Variants in DMAC2 observed in about 807,000 individuals in gnomAD.
The protein encoded by DMAC2 is distal membrane arm assembly component 2, also known as distal membrane-arm assembly complex protein 2.
Under a neutral mutation model 29.6 loss-of-function variants are expected in DMAC2, and 32 were observed. The observed-to-expected ratio is 1.08, with a 90% CI of 0.81 to 1.45. The LOEUF (loss-of-function observed/expected upper bound fraction) is 1.45. Ranked by LOEUF, DMAC2 falls within the 40% of genes most tolerant of loss-of-function variation. The probability of loss-of-function intolerance (pLI) is 0.00; values close to 1 mark genes in which losing one functional copy is unlikely to be tolerated. For synonymous variants in DMAC2, 133 were observed against 137.4 expected, an observed-to-expected ratio of 0.97 and a Z score of 0.23; for missense variants, 319 against 340.0, an observed-to-expected ratio of 0.94 and a Z score of 0.49.
rs782136347 is a variant in DMAC2 at position 41,438,307 on chromosome 19, G to A, written c.126C>T (p.Leu42=). Residue 42 remains leucine, a synonymous_variant, in exon 2 of 6, where the codon CTC becomes CTT. Coordinates refer to ENST00000221943, the MANE Select transcript of DMAC2 (RefSeq NM_018035.3). The part of the protein sequence containing the change: ...EGNQKKKRTI[L]QFLTNYFYDV... ...CGTAGAAATAGTTGGTCAGGAACTG[G>A]AGTATTGTCCTTTTCTTCTTCTGAT... is the stretch of plus-strand genomic sequence containing the variant. 3 of 1,614,228 alleles carry A rather than the reference G, an allele frequency of 1.9e-6. No individual in the cohort carries two copies. Among genetic ancestry groups the A allele is most frequent in the Admixed American group, 1.7e-5 (1 of 60,032 alleles).
intron 5 of DMAC2, chr19:41,432,999 A>G (rs2039654073): frequency 3.7e-6 from 2 of 534,830 alleles, no homozygotes; most frequent in African/African-American, 3.9e-5. Flanking sequence ...CCACTGTGTT[A>G]ATTGCAAATA....
Position 41,431,892 on chromosome 19 carries a change from C to T in DMAC2, c.*339G>A. 6.1e-6 allele frequency: 2 copies of T among 329,230 alleles called. No individual in the cohort carries two copies. The highest frequency in any genetic ancestry group is 5.7e-6 in the Non-Finnish European group (1 of 175,068). 20.4% of individuals were successfully genotyped at this position (329,230 alleles called of 1,614,324 possible). A position where few individuals can be genotyped will look rare whatever the true frequency, so the allele number is the denominator to read the frequency against. Reference sequence around the variant, plus strand: ...GCCCCTGTGTCAGTCAGGGTCCCTGCAAGAAATGGCAGTGCACTCACATAA... The same window carrying T: ...GCCCCTGTGTCAGTCAGGGTCCCTGTAAGAAATGGCAGTGCACTCACATAA... On this transcript the variant is annotated 3_prime_UTR_variant, in exon 6 of 6. Coordinates refer to ENST00000221943, the MANE Select transcript of DMAC2 (RefSeq NM_018035.3).
chr19:41,432,371 C>T lies in DMAC2; in HGVS notation c.634G>A (p.Val212Met), dbSNP rs374325202. 12 of 1,613,874 alleles carry T rather than the reference C, an allele frequency of 7.4e-6. No individual in the cohort carries two copies. The highest frequency in any genetic ancestry group is 2.7e-5 in the African/African-American group (2 of 74,888). The change falls in exon 6 of 6, where the codon GTG (valine) becomes ATG (methionine). Residue 212 changes from valine (V) to methionine (M), a missense_variant. Coordinates refer to ENST00000221943, the MANE Select transcript of DMAC2 (RefSeq NM_018035.3). ...ATCTGAGTGAGGCCAGGGTTGGACA[C>T]GGCAGGGAGGTCCGAGATGTCCAGC... ...RRLDISDLPA[V>M]SNPGLTQILV... is the part of the protein sequence containing the mutation.
chr19:41,433,195 C>T, intron 5 of DMAC2, 77 bp downstream of exon 5: 1 of 1,461,964 alleles, frequency 6.8e-7, no homozygotes, highest in South Asian at 1.3e-5. Context: ...CATTGCCCCT[C>T]CCCACTTCCT....
rs72065187 is a variant in DMAC2 at position 41,432,706 on chromosome 19, C to CGTGTGTGT, written c.597-306_597-299dup. On this transcript the variant is annotated intron_variant, in intron 5 of 5. Transcript: ENST00000221943. ...GGGAGATAAGCCAGTATAAGGACAG[C>CGTGTGTGT]GTGTGTGTGTGTGTGTGTGTGTGTA... 2.1e-3 allele frequency: 429 copies of CGTGTGTGT among 209,050 alleles called. 9 individuals carry two copies. Among genetic ancestry groups the CGTGTGTGT allele is most frequent in the African/African-American group, 0.02 (398 of 19,998 alleles). 12.9% of individuals were successfully genotyped at this position (209,050 alleles called of 1,614,324 possible). A position where few individuals can be genotyped will look rare whatever the true frequency, so the allele number is the denominator to read the frequency against.
At chr19:41,434,773 G>A (rs2039768766) in intron 3 of DMAC2, among the ~76,000 whole-genome samples, 2 of 152,190 alleles carry the variant, frequency 1.3e-5, no homozygotes, top group South Asian at 2.1e-4. Flanking sequence ...GGGAGGCCGA[G>A]GTGGGTGGAT....
rs374254190 is a variant in DMAC2, at chr19:41,432,783, C to CGTGTGTGTGTGT, written c.597-387_597-376dup. 218 of 303,386 alleles carry CGTGTGTGTGTGT rather than the reference C, an allele frequency of 7.2e-4. 3 individuals carry two copies. The highest frequency in any genetic ancestry group is 7.0e-3 in the African/African-American group (204 of 29,286). The allele number at this position is 303,386 out of a possible 1,614,324, so 18.8% of individuals were successfully genotyped here. ...GTGTAGGGAGGTACAGGACAGCGTG[C>CGTGTGTGTGTGT]GTGTGTGTGTGTGTGTGTGTGTGTG... On this transcript the variant is annotated intron_variant, in intron 5 of 5. Coordinates refer to ENST00000221943, the MANE Select transcript of DMAC2 (RefSeq NM_018035.3).
intron 5 of DMAC2, chr19:41,432,869 C>T (rs572599124): frequency 1.3e-4 from 53 of 396,228 alleles, no homozygotes; most frequent in African/African-American, 7.4e-4. Context: ...TGTGTGCGTG[C>T]GTGTGTGTGT....
At chr19:41,432,741 A>C in intron 5 of DMAC2, 1 of 352,542 alleles carries the variant, frequency 2.8e-6, no homozygotes, top group Non-Finnish European at 4.9e-6. Flanking sequence ...AGGGAGGTAC[A>C]GACAGCGTGT....
In DMAC2 at chr19:41,433,033, T is replaced by C. The variant is rs1030020294; in HGVS notation, c.596+239A>G. ...TATGCAACTCCAGCTCCTGCTGTTC[T>C]GCAACAGCGTCGATATCACACAGTT... On this transcript the variant is annotated intron_variant, in intron 5 of 5. Coordinates refer to ENST00000221943, the MANE Select transcript of DMAC2 (RefSeq NM_018035.3). 5 of 545,624 alleles carry C rather than the reference T, an allele frequency of 9.2e-6. No individual in the cohort carries two copies. The African/African-American group carries it at 9.6e-5, about 10-fold the overall frequency. 33.8% of individuals were successfully genotyped at this position (545,624 alleles called of 1,614,324 possible).
At position 41,432,028 on chromosome 19, in the gene DMAC2, G is replaced by A; in HGVS notation, c.*203C>T. 1.6e-6 allele frequency: 1 copy of A among 621,202 alleles called. No individual in the cohort carries two copies. Among genetic ancestry groups the A allele is most frequent in the East Asian group, 2.8e-5 (1 of 35,974 alleles). The allele number at this position is 621,202 out of a possible 1,614,324, so 38.5% of individuals were successfully genotyped here. A position where few individuals can be genotyped will look rare whatever the true frequency, so the allele number is the denominator to read the frequency against. On this transcript the variant is annotated 3_prime_UTR_variant, in exon 6 of 6. Coordinates refer to ENST00000221943, the MANE Select transcript of DMAC2 (RefSeq NM_018035.3). ...AACAGGGGCATGGAAAGGGCTGCCT[G>A]ACAGGGTGACAGGAGCTGTGACCTT...
intron 3 of DMAC2, 99 bp from the exon 4 acceptor site, chr19:41,433,772 C>G: frequency 6.8e-7 from 1 of 1,464,202 alleles, no homozygotes; most frequent in Non-Finnish European, 9.3e-7. Context: ...ATGTATAGGT[C>G]ACCCTTGACA....
At chr19:41,439,618 G>A in intron 1 of DMAC2, 3 of 1,475,698 alleles carry the variant, frequency 2.0e-6, no homozygotes, top group African/African-American at 1.4e-5. Context: ...GTCGCTCTTC[G>A]GCAGCCACTC....
chr19:41,438,477 C>T (rs1012612619), intron 1 of DMAC2, 63 bp from the exon 2 acceptor site: 3 of 1,392,832 alleles, frequency 2.2e-6, no homozygotes, highest in African/African-American at 1.4e-5. Flanking sequence ...GAGCTGGATC[C>T]CCCAGTTCTT....
In DMAC2 at chr19:41,433,553, C is replaced by G. The variant is rs782095277; in HGVS notation, c.417G>C (p.Glu139Asp). The stretch of plus-strand genomic sequence containing the variant: ...CGCACTCACGGAGGTTATCCAGGCC[C>G]TCGTAGTTGATGTCACAGTCACCGG... The part of the protein sequence containing the change: ...VDAGDCDINY[E>D]GLDNLLRLKE... Residue 139 changes from glutamate to aspartate, a missense_variant, in exon 4 of 6, where the codon GAG becomes GAC. Physicochemically the swap from Glu to Asp is conservative, Grantham distance 45. Coordinates refer to ENST00000221943, the MANE Select transcript of DMAC2 (RefSeq NM_018035.3). The G allele has an allele frequency of 1.2e-6, 2 of 1,614,180 alleles. No homozygotes were observed. The highest frequency in any genetic ancestry group is 1.7e-5 in the Admixed American group (1 of 60,016).
At chr19:41,437,281 A>C (rs1248889968) in intron 2 of DMAC2, among the ~76,000 whole-genome samples, 1 of 152,018 alleles carries the variant, frequency 6.6e-6, no homozygotes, top group African/African-American at 2.4e-5. Flanking sequence ...CTGTAATCTC[A>C]CCTACTTGGG....
chr19:41,432,185 C>T lies in DMAC2; in HGVS notation c.*46G>A, dbSNP rs2122182817. Reference sequence around the variant, plus strand: ...AAGTGTGGTGAGCTACCAGACATTCCATGCAGCCCGCTGAGAAGCCACGTG... The same window carrying T: ...AAGTGTGGTGAGCTACCAGACATTCTATGCAGCCCGCTGAGAAGCCACGTG... On this transcript the variant is annotated 3_prime_UTR_variant, in exon 6 of 6. Coordinates refer to ENST00000221943, the MANE Select transcript of DMAC2 (RefSeq NM_018035.3). 1 of 1,582,708 alleles carries T rather than the reference C, an allele frequency of 6.3e-7. No homozygotes were observed. The highest frequency in any genetic ancestry group is 2.2e-5 in the East Asian group (1 of 44,536).
intron 2 of DMAC2, among the ~76,000 whole-genome samples, chr19:41,437,782 G>A (rs1372023897): frequency 6.6e-6 from 1 of 152,170 alleles, no homozygotes; most frequent in Non-Finnish European, 1.5e-5. Context: ...GCTACGAATG[G>A]TGAAGGCAGT....
In DMAC2 at chr19:41,431,905, T is replaced by G. The variant is rs1165805237; in HGVS notation, c.*326A>C. On this transcript the variant is annotated 3_prime_UTR_variant, in exon 6 of 6. Coordinates refer to ENST00000221943, the MANE Select transcript of DMAC2 (RefSeq NM_018035.3). The stretch of plus-strand genomic sequence containing the variant: ...TCAGGGTCCCTGCAAGAAATGGCAG[T>G]GCACTCACATAAGGACAGTTTGAGA... 5.6e-6 allele frequency: 2 copies of G among 355,824 alleles called. No individual in the cohort carries two copies. Among genetic ancestry groups the G allele is most frequent in the Admixed American group, 8.8e-5 (2 of 22,776 alleles). The allele number at this position is 355,824 out of a possible 1,614,324, so 22.0% of individuals were successfully genotyped here.
Sources: gnomAD v4.1 joint callset for allele counts (sites outside exome capture counted in the v4.1 genomes callset) on GRCh38, gnomAD v4.1.1 for gene constraint, MANE v1.5 for transcripts, NCBI Gene and HGNC (gene_info 2026-07-23, HGNC 2026-07-21) for gene names.